POLR3C: variants seen among roughly 807,000 people sequenced by gnomAD.
The protein encoded by POLR3C is RNA polymerase III subunit C, also known as DNA-directed RNA polymerase III subunit RPC3.
A neutral mutation model predicts 65.9 loss-of-function variants in POLR3C; 44 were observed. The observed-to-expected ratio is 0.67, with a 90% CI of 0.52 to 0.86. The LOEUF (loss-of-function observed/expected upper bound fraction) is 0.86, where lower values mean the gene tolerates loss of function less well. Ranked by LOEUF, POLR3C falls within the 40% of genes least tolerant of loss-of-function variation. POLR3C has a pLI of 0.00. For missense variants in POLR3C, 576 were observed against 653.2 expected (o/e 0.88, Z 1.29); for synonymous variants, 263 against 231.6 (o/e 1.14, Z -1.23).
At chr1:145,834,687 G>T (rs1214138068) in intron 7 of POLR3C, among the ~76,000 whole-genome samples, 2 of 152,006 alleles carry the variant, frequency 1.3e-5, no homozygotes, top group Non-Finnish European at 2.9e-5. Context: ...CAACGGCATT[G>T]TGCTATGATG....
At chr1:145,839,559 C>T (rs902016931) in intron 11 of POLR3C, 5 of 207,208 alleles carry the variant, frequency 2.4e-5, no homozygotes, top group Admixed American at 5.5e-5. Context: ...GACCATGTCT[C>T]CACCACCCCC....
At chr1:145,829,311 G>A (rs190380003) in intron 5 of POLR3C, among the ~76,000 whole-genome samples, 1 of 152,208 alleles carries the variant, frequency 6.6e-6, no homozygotes, top group Non-Finnish European at 1.5e-5. Context: ...ACACTACCAC[G>A]TAGGCCAGCC....
chr1:145,836,801 C>T lies in POLR3C; in HGVS notation c.958-14C>T, dbSNP rs782402975. 14 of 1,557,886 alleles carry T rather than the reference C, an allele frequency of 9.0e-6. No homozygotes were observed. Among genetic ancestry groups the T allele is most frequent in the South Asian group, 1.1e-5 (1 of 89,072 alleles). On this transcript the variant is annotated splice_polypyrimidine_tract_variant and intron_variant, in intron 8 of 14. Transcript: ENST00000334163. ...ACTTTCCGTTCAGTTAACACTCTCT[C>T]TTTTTCTTAATAGCTAGAGTTTGTT...
chr1:145,824,917 T>A (rs991860754), intron 1 of POLR3C, among the ~76,000 whole-genome samples: 1 of 152,082 alleles, frequency 6.6e-6, no homozygotes, highest in Non-Finnish European at 1.5e-5. Context: ...GTGTAGAAAC[T>A]AAGGTCTGTG....
intron 3 of POLR3C, 34 bp from the exon 4 acceptor site, chr1:145,826,786 C>T (rs782663670): frequency 6.2e-6 from 10 of 1,603,286 alleles, no homozygotes; most frequent in Admixed American, 3.4e-5. Flanking sequence ...CTATCTTAGG[C>T]CATCTCATCT....
chr1:145,834,656 A>C (rs1457783318), intron 7 of POLR3C, among the ~76,000 whole-genome samples: 4 of 151,890 alleles, frequency 2.6e-5, no homozygotes, highest in Non-Finnish European at 4.4e-5. Flanking sequence ...GCCTCACCAC[A>C]CATGTGAGTA....
chr1:145,829,098 G>A (rs191924047), intron 5 of POLR3C, among the ~76,000 whole-genome samples: 5 of 152,258 alleles, frequency 3.3e-5, no homozygotes, highest in Non-Finnish European at 5.9e-5. Context: ...TCAATATGGC[G>A]AGAACCTAAA....
rs200149495 is a variant in POLR3C, at chr1:145,842,373, A to T, written c.1558A>T (p.Ile520Phe). 84 of 1,612,284 alleles carry T rather than the reference A, an allele frequency of 5.2e-5. No homozygotes were observed. In the African/African-American group the frequency reaches 1.0e-3, roughly 19 times the overall value. The change falls in exon 15 of 15, where the codon ATC becomes TTC. Residue 520 changes from isoleucine (I) to phenylalanine (F), a missense_variant. By Grantham distance (21) the Ile-to-Phe change is conservative (BLOSUM62 0). Coordinates refer to ENST00000334163, the MANE Select transcript of POLR3C (RefSeq NM_006468.8). ...DASEIQVDET[I>F]FLLESYIECT... ...CAGTGAGATCCAGGTGGACGAAACC[A>T]TCTTCCTGCTGGAGTCTTACATTGA...
At chr1:145,828,505 T>C (rs1259400593) in intron 4 of POLR3C, among the ~76,000 whole-genome samples, 3 of 152,122 alleles carry the variant, frequency 2.0e-5, no homozygotes, top group Non-Finnish European at 4.4e-5. Context: ...TGTGGGAGGA[T>C]GATATCACTG....
intron 13 of POLR3C, 85 bp from the exon 14 acceptor site, chr1:145,840,836 AG>A (rs1652233947): frequency 2.2e-6 from 2 of 893,774 alleles, no homozygotes; most frequent in Non-Finnish European, 3.5e-6. Context: ...AAAATGGTAA[AG>A]GGTGGTGGGT....
At chr1:145,838,555 C>T (rs1298276020) in intron 11 of POLR3C, among the ~76,000 whole-genome samples, 1 of 152,180 alleles carries the variant, frequency 6.6e-6, no homozygotes, top group South Asian at 2.1e-4. Flanking sequence ...TGGTGGCACA[C>T]GCCTATAGTC....
intron 11 of POLR3C, chr1:145,839,589 G>A (rs782757451): frequency 2.1e-5 from 5 of 243,174 alleles, no homozygotes; most frequent in African/African-American, 6.8e-5. Context: ...AAAAATTAGC[G>A]GAGCATGGTG....
chr1:145,838,253 A>T (rs1401592339), intron 11 of POLR3C, 47 bp downstream of exon 11: 1 of 1,531,098 alleles, frequency 6.5e-7, no homozygotes, highest in Non-Finnish European at 9.0e-7. Context: ...AAGCTGGCCT[A>T]GGGTGAGAGA....
In POLR3C at chr1:145,838,062, G is replaced by A; in HGVS notation, c.1077G>A (p.Gly359=). The A allele has an allele frequency of 6.2e-7, 1 of 1,613,936 alleles. No individual in the cohort carries two copies. The highest frequency in any genetic ancestry group is 8.5e-7 in the Non-Finnish European group (1 of 1,179,862). ...TLESVVQERF[G]SRCARIFRLV... The stretch of plus-strand genomic sequence containing the variant: ...TTTCTTCATTCCTTTCCAGATTTGG[G>A]TCTCGCTGTGCTAGAATATTCCGTC... Residue 359 remains glycine, a synonymous_variant, in exon 11 of 15, where the codon GGG becomes GGA. Transcript: ENST00000334163.
At chr1:145,839,116 C>T (rs1652088417) in intron 11 of POLR3C, among the ~76,000 whole-genome samples, 1 of 151,988 alleles carries the variant, frequency 6.6e-6, no homozygotes, top group Non-Finnish European at 1.5e-5. Flanking sequence ...ACTAAAAATA[C>T]AAAAATTAGC....
At chr1:145,841,840 T>TAAA (rs1553730668) in intron 14 of POLR3C, among the ~76,000 whole-genome samples, 1 of 152,088 alleles carries the variant, frequency 6.6e-6, no homozygotes, top group Non-Finnish European at 1.5e-5. Flanking sequence ...GAACCTCCAG[T>TAAA]AAAAGGTTGA....
intron 14 of POLR3C, among the ~76,000 whole-genome samples, 199 bp from the exon 15 acceptor site, chr1:145,842,140 A>G (rs1033071055): frequency 2.6e-5 from 4 of 152,074 alleles, no homozygotes; most frequent in Non-Finnish European, 5.9e-5. Context: ...TGTATTTTGT[A>G]TTCTTAGCAG....
intron 14 of POLR3C, among the ~76,000 whole-genome samples, chr1:145,841,479 C>G (rs1172774186): frequency 6.6e-6 from 1 of 152,342 alleles, no homozygotes; most frequent in South Asian, 2.1e-4. Flanking sequence ...GGTCCACACG[C>G]AGGCCTTCAT....
chr1:145,830,992 CAG>C (rs1156906471), intron 5 of POLR3C, among the ~76,000 whole-genome samples: 1 of 150,754 alleles, frequency 6.6e-6, no homozygotes, highest in Non-Finnish European at 1.5e-5. Flanking sequence ...CCCAGCTACT[CAG>C]GGGCTGAGGT....
Sources: gnomAD v4.1 joint callset for allele counts (sites outside exome capture counted in the v4.1 genomes callset) on GRCh38, gnomAD v4.1.1 for gene constraint, MANE v1.5 for transcripts, NCBI Gene and HGNC (gene_info 2026-07-23, HGNC 2026-07-21) for gene names.